The following PDE4A variants were observed in gnomAD, a reference collection of about 807,000 sequenced individuals.
PDE4A encodes 3',5'-cyclic-AMP phosphodiesterase 4A.
Under a neutral mutation model 73.9 loss-of-function variants are expected in PDE4A, and 21 were observed. That is an observed-to-expected ratio of 0.28 (90% CI 0.20 to 0.41). The LOEUF is 0.41. Among genes scored for constraint, PDE4A ranks in the 10% least tolerant of loss-of-function variants. The probability of loss-of-function intolerance (pLI) is 1.00; values close to 1 mark genes in which losing one functional copy is unlikely to be tolerated. For missense variants in PDE4A, 958 were observed against 1,211.4 expected (o/e 0.79, Z 3.10); for synonymous variants, 463 against 505.4 (o/e 0.92, Z 1.13).
At chr19:10,463,642 C>G (rs553212504) in intron 13 of PDE4A, 151 bp from the exon 14 acceptor site, 85 of 1,372,264 alleles carry the variant, frequency 6.2e-5, no homozygotes, top group Non-Finnish European at 7.8e-5. Context: ...ACCTCATGAT[C>G]CACCCGCCTC....
At chr19:10,456,100 C>G (rs982906991) in intron 7 of PDE4A, among the ~76,000 whole-genome samples, 1 of 151,668 alleles carries the variant, frequency 6.6e-6, no homozygotes, top group Non-Finnish European at 1.5e-5. Context: ...AGCTTAAGAA[C>G]CTGTAAGAGG....
chr19:10,460,413 C>A (rs142738720), intron 10 of PDE4A, among the ~76,000 whole-genome samples: 1,927 of 149,262 alleles, frequency 0.013, 53 homozygotes, highest in African/African-American at 0.045. Context: ...GCAGGAGAAT[C>A]GCTGGAACCC....
At chr19:10,428,492 T>C (rs180797922) in intron 1 of PDE4A, among the ~76,000 whole-genome samples, 1 of 152,296 alleles carries the variant, frequency 6.6e-6, no homozygotes, top group Non-Finnish European at 1.5e-5. Flanking sequence ...TCATCGTCAT[T>C]ATCATCATCA....
intron 8 of PDE4A, 101 bp from the exon 9 acceptor site, chr19:10,459,299 T>C: frequency 6.3e-7 from 1 of 1,575,268 alleles, no homozygotes. Flanking sequence ...GGGTGAGCAA[T>C]AATGGTGCTT....
chr19:10,423,981 T>G (rs777068867), intron 1 of PDE4A, among the ~76,000 whole-genome samples: 2 of 149,920 alleles, frequency 1.3e-5, no homozygotes, highest in South Asian at 2.1e-4. Flanking sequence ...AAAAAGGGGG[T>G]TTTTACCAGG....
In PDE4A at chr19:10,420,760, G is replaced by A; in HGVS notation, c.-5G>A. The A allele has an allele frequency of 6.4e-7, 1 of 1,555,944 alleles. No individual in the cohort carries two copies. Among genetic ancestry groups the A allele is most frequent in the South Asian group, 1.2e-5 (1 of 85,416 alleles). ...CCCCCTGGGGCGCAAGTGGGGGCCG[G>A]CGCCATGGAACCCCCGACCGTCCCC... On this transcript the variant is annotated 5_prime_UTR_variant, in exon 1 of 15. Transcript: ENST00000380702. This position sits in a 1 kb window ranked among gnomAD's most constrained non-coding sequence, Gnocchi z 6.0.
chr19:10,457,811 G>A, intron 7 of PDE4A, 68 bp from the exon 8 acceptor site: 1 of 1,591,060 alleles, frequency 6.3e-7, no homozygotes, highest in Non-Finnish European at 8.5e-7. Flanking sequence ...GTAGTGGGCT[G>A]AAGAATAAGG....
At chr19:10,441,672 TC>T (rs2145506252) in intron 1 of PDE4A, among the ~76,000 whole-genome samples, 1 of 151,024 alleles carries the variant, frequency 6.6e-6, no homozygotes, top group Non-Finnish European at 1.5e-5. Flanking sequence ...AGGTATTTGG[TC>T]ATTTTGAGTT....
chr19:10,420,451 G>C (rs1183042829), upstream of PDE4A: 1 of 869,846 alleles, frequency 1.1e-6, no homozygotes, highest in Admixed American at 6.3e-5. This position sits in a 1 kb window ranked among gnomAD's most constrained non-coding sequence, Gnocchi z 6.0. Flanking sequence ...CAGCCGCGGC[G>C]GGCGGGGGGC....
At position 10,453,292 on chromosome 19, in the gene PDE4A, C is replaced by A; in HGVS notation, c.784-1537C>A. 1 of 1,613,548 alleles carries A rather than the reference C, an allele frequency of 6.2e-7. No homozygotes were observed. On this transcript the variant is annotated intron_variant, in intron 6 of 14. Transcript: ENST00000380702. This position sits in a 1 kb window ranked among gnomAD's most constrained non-coding sequence, Gnocchi z 4.6. ...CCCTTGGTGGATTTCTTCTGCGAGA[C>A]CTGCTCTAAGCCTTGGCTGGTGGGC... is the stretch of plus-strand genomic sequence containing the variant.
intron 10 of PDE4A, among the ~76,000 whole-genome samples, chr19:10,460,199 A>T (rs1006800536): frequency 4.1e-5 from 6 of 144,620 alleles, no homozygotes; most frequent in Non-Finnish European, 9.2e-5. Flanking sequence ...CTTATTTCTT[A>T]AAAAAAAAAA....
intron 1 of PDE4A, chr19:10,421,377 G>T (rs1446060904): frequency 1.0e-6 from 1 of 978,832 alleles, no homozygotes; most frequent in African/African-American, 1.8e-5. Flanking sequence ...CTGTATTCTT[G>T]GTGACAGTGC....
intron 1 of PDE4A, among the ~76,000 whole-genome samples, chr19:10,429,416 C>G (rs2042760006): frequency 6.6e-6 from 1 of 152,140 alleles, no homozygotes; most frequent in Non-Finnish European, 1.5e-5. Context: ...TAACTCACTG[C>G]AACCTCAACC....
At chr19:10,435,400 T>TAA (rs112359394) in intron 1 of PDE4A, among the ~76,000 whole-genome samples, 48 of 148,164 alleles carry the variant, frequency 3.2e-4, no homozygotes, top group African/African-American at 1.1e-3. Flanking sequence ...CATTTCTGCT[T>TAA]AAAAAAAAAA....
intron 1 of PDE4A, among the ~76,000 whole-genome samples, chr19:10,433,553 CAG>C (rs2042822974): frequency 6.6e-6 from 1 of 152,176 alleles, no homozygotes; most frequent in South Asian, 2.1e-4. Context: ...GATAAAGACA[CAG>C]AGATGCACAC....
intron 1 of PDE4A, chr19:10,427,983 G>T: frequency 4.9e-6 from 1 of 205,094 alleles, no homozygotes; most frequent in Non-Finnish European, 7.8e-6. Context: ...GTGACAGAGT[G>T]AGACCCTGTC....
chr19:10,467,356 G>T lies in PDE4A; in HGVS notation c.2396G>T (p.Arg799Leu), dbSNP rs201380135. ...GTGGCTCCGGATGAGTTCTCGTCCC[G>T]GGAGGAATTCGTGGTTGCTGTAAGC... ...APVAPDEFSSREEFVVAVSHS... is the reference protein window; with the variant it reads ...APVAPDEFSSLEEFVVAVSHS... The change falls in exon 15 of 15, where the codon CGG becomes CTG. Residue 799 changes from arginine (R) to leucine (L), a missense_variant. By Grantham distance (102) the Arg-to-Leu change is moderately radical. Transcript: ENST00000380702. The T allele has an allele frequency of 5.0e-6, 8 of 1,614,168 alleles. No homozygotes were observed. The highest frequency in any genetic ancestry group is 6.8e-6 in the Non-Finnish European group (8 of 1,180,024).
rs147996214 is a variant in PDE4A, at chr19:10,439,381, C to T, written c.321-6837C>T. On this transcript the variant is annotated intron_variant, in intron 1 of 14. Transcript: ENST00000380702. ...ATTTTTAGTAGAGATTGGGTTTCAC[C>T]GTGTTGGCCAGGCTGGTCTCGAACT... Among the ~76,000 whole-genome samples the T allele has an allele frequency of 9.8e-3, 1,489 of 152,178 alleles. 26 individuals carry two copies. The highest frequency in any genetic ancestry group is 0.032 in the African/African-American group (1,321 of 41,500).
At chr19:10,432,193 A>T (rs1209990956) in intron 1 of PDE4A, among the ~76,000 whole-genome samples, 6 of 88,716 alleles carry the variant, frequency 6.8e-5, no homozygotes, top group Admixed American at 1.4e-4. Context: ...GGGGGGGGGA[A>T]GTGTGCGTCC....
Sources: allele counts gnomAD v4.1 joint callset (sites outside exome capture counted in the v4.1 genomes callset), GRCh38; gene constraint gnomAD v4.1.1; non-coding constraint Gnocchi (gnomAD v3.1); transcripts MANE v1.5; gene names NCBI Gene and HGNC (gene_info 2026-07-23, HGNC 2026-07-21).